Variants in ATP1A1 observed in about 807,000 individuals in gnomAD.
ATP1A1 encodes the protein ATPase Na+/K+ transporting subunit alpha 1, also known as sodium/potassium-transporting ATPase subunit alpha-1.
Under a neutral mutation model 114.8 loss-of-function variants are expected in ATP1A1, and 14 were observed. That is an observed-to-expected ratio of 0.12 (90% CI 0.08 to 0.19). The LOEUF (loss-of-function observed/expected upper bound fraction) is 0.19. Among genes scored for constraint, ATP1A1 ranks in the 10% least tolerant of loss-of-function variants. The probability of loss-of-function intolerance (pLI) is 1.00; values close to 1 mark genes in which losing one functional copy is unlikely to be tolerated. For missense variants in ATP1A1, 524 were observed against 1,290.7 expected (o/e 0.41, Z 9.10); for synonymous variants, 471 against 466.3 (o/e 1.01, Z -0.13).
chr1:116,379,718 A>G (rs1336829271), intron 1 of ATP1A1, among the ~76,000 whole-genome samples: 1 of 152,240 alleles, frequency 6.6e-6, no homozygotes, highest in Non-Finnish European at 1.5e-5. Flanking sequence ...ACCAAGTTAT[A>G]ATAATAGCCT....
Position 116,401,693 on chromosome 1 carries a change from T to G in ATP1A1, c.2951+38T>G. 1 of 1,579,696 alleles carries G rather than the reference T, an allele frequency of 6.3e-7. No homozygotes were observed. The highest frequency in any genetic ancestry group is 8.7e-7 in the Non-Finnish European group (1 of 1,150,618). On this transcript the variant is annotated intron_variant, in intron 21 of 22. Coordinates refer to ENST00000295598, the MANE Select transcript of ATP1A1 (RefSeq NM_000701.8). This position sits in a 1 kb window ranked among gnomAD's most constrained non-coding sequence, Gnocchi z 4.7. ...TCTGGTAGCTCCAAAAAGTATGAAA[T>G]AGTATGTGTGGCTTTTCCCCCCATT...
intron 3 of ATP1A1, among the ~76,000 whole-genome samples, chr1:116,386,439 CAA>C (rs1652100482): frequency 6.6e-6 from 1 of 152,118 alleles, no homozygotes; most frequent in African/African-American, 2.4e-5. Context: ...GAGAATTAAA[CAA>C]GTTAATTAAA....
chr1:116,387,629 G>T lies in ATP1A1; in HGVS notation c.387+138G>T. 2.1e-6 allele frequency: 2 copies of T among 954,888 alleles called. No individual in the cohort carries two copies. The highest frequency in any genetic ancestry group is 3.1e-6 in the Non-Finnish European group (2 of 652,868). The allele number at this position is 954,888 out of a possible 1,614,324, so 59.2% of individuals were successfully genotyped here. ...TACTTAATGGTTATGAACAGCTGTTGCCTTCAAGGCTCATCCATTCTTCCT... is the reference window on the plus strand; with the variant it reads ...TACTTAATGGTTATGAACAGCTGTTTCCTTCAAGGCTCATCCATTCTTCCT... On this transcript the variant is annotated intron_variant, in intron 4 of 22. Coordinates refer to ENST00000295598, the MANE Select transcript of ATP1A1 (RefSeq NM_000701.8). This position sits in a 1 kb window ranked among gnomAD's most constrained non-coding sequence, Gnocchi z 6.7.
rs1239420436 is a variant in ATP1A1, at chr1:116,396,451, G to A, written c.1837-147G>A. The A allele has an allele frequency of 4.9e-6, 5 of 1,020,322 alleles. No individual in the cohort carries two copies. The African/African-American group carries it at 6.7e-5, about 14-fold the overall frequency. The allele number at this position is 1,020,322 out of a possible 1,614,324, so 63.2% of individuals were successfully genotyped here. On this transcript the variant is annotated intron_variant, in intron 13 of 22. Coordinates refer to ENST00000295598, the MANE Select transcript of ATP1A1 (RefSeq NM_000701.8). Reference sequence around the variant, plus strand: ...TATATGTTTATATTTTTGGCTAATCGATGTTTATTAGTTTTATATTTGCAT... The same window carrying A: ...TATATGTTTATATTTTTGGCTAATCAATGTTTATTAGTTTTATATTTGCAT...
rs1653832485 is a variant in ATP1A1, at chr1:116,404,694, A to G, written c.*250A>G. 7.8e-7 allele frequency: 1 copy of G among 1,278,554 alleles called. No homozygotes were observed. The highest frequency in any genetic ancestry group is 9.8e-7 in the Non-Finnish European group (1 of 1,017,244). 79.2% of individuals were successfully genotyped at this position (1,278,554 alleles called of 1,614,324 possible). A position where few individuals can be genotyped will look rare whatever the true frequency, so the allele number is the denominator to read the frequency against. On this transcript the variant is annotated 3_prime_UTR_variant, in exon 23 of 23. Transcript: ENST00000295598. The surrounding 1 kb of genome is among the most constrained non-coding windows in gnomAD (Gnocchi z 4.8). Reference sequence around the variant, plus strand: ...TTTTTATGTGCCTTTTTGTTTTTGTAAAAAAGGAACACCCGGAAAGACTGA... The same window carrying G: ...TTTTTATGTGCCTTTTTGTTTTTGTGAAAAAGGAACACCCGGAAAGACTGA...
chr1:116,381,649 G>T lies in ATP1A1; in HGVS notation c.13-2365G>T, dbSNP rs923746934. ...CCAACTAACTTTAGCACTGATAGTGGTGAAGCTATGGGCAAGACATTTATT... is the reference window on the plus strand; with the variant it reads ...CCAACTAACTTTAGCACTGATAGTGTTGAAGCTATGGGCAAGACATTTATT... On this transcript the variant is annotated intron_variant, in intron 1 of 22. Transcript: ENST00000295598. The surrounding 1 kb of genome is among the most constrained non-coding windows in gnomAD (Gnocchi z 5.1). 2.6e-5 allele frequency among the ~76,000 whole-genome samples: 4 copies of T among 152,172 alleles called. No individual in the cohort carries two copies. Among genetic ancestry groups the T allele is most frequent in the African/African-American group, 9.7e-5 (4 of 41,428 alleles).
chr1:116,399,497 C>A lies in ATP1A1; in HGVS notation c.2526C>A (p.Asp842Glu). The A allele has an allele frequency of 6.2e-7, 1 of 1,614,124 alleles. No homozygotes were observed. The highest frequency in any genetic ancestry group is 8.5e-7 in the Non-Finnish European group (1 of 1,180,022). The change falls in exon 18 of 23, where the codon GAC becomes GAA. Residue 842 changes from aspartate to glutamate, a missense_variant. By Grantham distance (45) the Asp-to-Glu change is conservative (BLOSUM62 2). Around this residue, in one of 8 missense-constraint regions of ATP1A1, gnomAD observed 36 missense variants for 199.6 expected, o/e 0.18. Coordinates refer to ENST00000295598, the MANE Select transcript of ATP1A1 (RefSeq NM_000701.8). The surrounding 1 kb of genome is among the most constrained non-coding windows in gnomAD (Gnocchi z 5.0). ...MKRQPRNPKT[D>E]KLVNERLISM... ...GACAGCCCAGAAATCCCAAAACAGA[C>A]AAACTTGTGAATGAGCGGCTGATCA...
intron 1 of ATP1A1, among the ~76,000 whole-genome samples, chr1:116,374,579 G>A (rs946314541): frequency 2.0e-5 from 3 of 152,206 alleles, no homozygotes; most frequent in Admixed American, 2.0e-4. Context: ...CTACATTTCT[G>A]TAGCGAAGAC....
In ATP1A1 at chr1:116,382,629, T is replaced by C. The variant is rs367734260; in HGVS notation, c.13-1385T>C. 8 of 152,338 alleles carry C rather than the reference T, an allele frequency of 5.3e-5. No homozygotes were observed. The East Asian group carries it at 1.5e-3, about 29-fold the overall frequency. The allele number at this position is 152,338 out of a possible 1,614,324, so 9.4% of individuals were successfully genotyped here. On this transcript the variant is annotated intron_variant, in intron 1 of 22. Transcript: ENST00000295598. ...TGTCTCTACATGTGGCCCACTCCAGTGAATTTGGAGAAGGATTTCTCCTTG... is the reference window on the plus strand; with the variant it reads ...TGTCTCTACATGTGGCCCACTCCAGCGAATTTGGAGAAGGATTTCTCCTTG...
Position 116,393,655 on chromosome 1 carries a change from A to G in ATP1A1, c.1592A>G (p.Asp531Gly). 6.2e-7 allele frequency: 1 copy of G among 1,614,188 alleles called. No individual in the cohort carries two copies. Among genetic ancestry groups the G allele is most frequent in the Non-Finnish European group, 8.5e-7 (1 of 1,180,024 alleles). The change falls in exon 12 of 23, where the codon GAT becomes GGT. Residue 531 changes from aspartate to glycine, a missense_variant. Transcript: ENST00000295598. The surrounding 1 kb of genome is among the most constrained non-coding windows in gnomAD (Gnocchi z 5.0). Reference protein sequence around the residue: ...ILLHGKEQPLDEELKDAFQNA... With the variant: ...ILLHGKEQPLGEELKDAFQNA... The stretch of plus-strand genomic sequence containing the variant: ...CTCCACGGCAAGGAGCAGCCCCTGG[A>G]TGAGGAGCTGAAAGACGCCTTTCAG...
At chr1:116,377,401 G>A (rs1651447431) in intron 1 of ATP1A1, among the ~76,000 whole-genome samples, 1 of 152,198 alleles carries the variant, frequency 6.6e-6, no homozygotes, top group Non-Finnish European at 1.5e-5. Flanking sequence ...CAAAATTAGA[G>A]AGCAGTTTTT....
Position 116,395,366 on chromosome 1 carries a change from A to G in ATP1A1, c.1836+81A>G. Reference sequence around the variant, plus strand: ...CAGTGAATGTTGCCTTTTGAGGTCCAGATGGCCAGCTGTTCTATCTCACCT... The same window carrying G: ...CAGTGAATGTTGCCTTTTGAGGTCCGGATGGCCAGCTGTTCTATCTCACCT... On this transcript the variant is annotated intron_variant, in intron 13 of 22. Transcript: ENST00000295598. The surrounding 1 kb of genome is among the most constrained non-coding windows in gnomAD (Gnocchi z 6.4). The G allele has an allele frequency of 6.7e-7, 1 of 1,484,424 alleles. No homozygotes were observed. Among genetic ancestry groups the G allele is most frequent in the Non-Finnish European group, 9.1e-7 (1 of 1,096,910 alleles). 92.0% of individuals were successfully genotyped at this position (1,484,424 alleles called of 1,614,324 possible).
chr1:116,387,847 A>G lies in ATP1A1; in HGVS notation c.388-284A>G, dbSNP rs199579252. Among the ~76,000 whole-genome samples the G allele has an allele frequency of 6.6e-6, 1 of 152,206 alleles. No homozygotes were observed. Among genetic ancestry groups the G allele is most frequent in the Admixed American group, 6.5e-5 (1 of 15,286 alleles). ...GCTTGGTGGCCATTCTTCAAAATCC[A>G]CAAGTTGGTTGAAAAACAATCTTTG... On this transcript the variant is annotated intron_variant, in intron 4 of 22. Coordinates refer to ENST00000295598, the MANE Select transcript of ATP1A1 (RefSeq NM_000701.8). The surrounding 1 kb of genome is among the most constrained non-coding windows in gnomAD (Gnocchi z 6.7).
In ATP1A1 at chr1:116,390,529, C is replaced by CTTTTTT. The variant is rs1261190970; in HGVS notation, c.1222+119_1222+124dup. On this transcript the variant is annotated intron_variant, in intron 9 of 22. Transcript: ENST00000295598. ...TTAAGCTCATGGCAGCTTTTTCTTT[C>CTTTTTT]TTTTTTGTTTTTTTTTTTTTTATCA... The CTTTTTT allele has an allele frequency of 2.7e-5, 25 of 911,760 alleles. No individual in the cohort carries two copies. The African/African-American group carries it at 4.8e-4, about 18-fold the overall frequency. The allele number at this position is 911,760 out of a possible 1,614,324, so 56.5% of individuals were successfully genotyped here.
At chr1:116,374,002 C>G (rs1198130516) in intron 1 of ATP1A1, 47 of 1,354,466 alleles carry the variant, frequency 3.5e-5, no homozygotes, top group Non-Finnish European at 4.4e-5. Context: ...CTCCCCTTCC[C>G]CTGGGGCGCT....
chr1:116,393,731 G>C lies in ATP1A1; in HGVS notation c.1660+8G>C. 6.8e-6 allele frequency: 11 copies of C among 1,611,110 alleles called. No individual in the cohort carries two copies. The highest frequency in any genetic ancestry group is 1.1e-5 in the South Asian group (1 of 90,870). On this transcript the variant is annotated splice_region_variant and intron_variant, in intron 12 of 22. Transcript: ENST00000295598. The surrounding 1 kb of genome is among the most constrained non-coding windows in gnomAD (Gnocchi z 5.0). ...TCGGAGAACGAGTCCTAGGTATGCA[G>C]ATAACCTGGTAACAGAGTGCCTGGG...
In ATP1A1 at chr1:116,398,870, T is replaced by C; in HGVS notation, c.2294-60T>C. The C allele has an allele frequency of 6.2e-7, 1 of 1,610,938 alleles. No homozygotes were observed. The highest frequency in any genetic ancestry group is 8.5e-7 in the Non-Finnish European group (1 of 1,177,532). On this transcript the variant is annotated intron_variant, in intron 16 of 22. Transcript: ENST00000295598. The surrounding 1 kb of genome is among the most constrained non-coding windows in gnomAD (Gnocchi z 6.1). ...TCCATTTCTGTATACTTCTTGGATA[T>C]GTTCAGTTTCCAGTGTGCTTGTCTC...
rs552441071 is a variant in ATP1A1 at position 116,394,924 on chromosome 1, T to G, written c.1661-186T>G. 4.6e-5 allele frequency among the ~76,000 whole-genome samples: 7 copies of G among 152,342 alleles called. No individual in the cohort carries two copies. The South Asian group carries it at 1.4e-3, about 32-fold the overall frequency. On this transcript the variant is annotated intron_variant, in intron 12 of 22. Transcript: ENST00000295598. ...GGATTCTGTCTTTCAAATGCTTTTTTTCTTTCAGTGACTCTATCGTTCATA... is the reference window on the plus strand; with the variant it reads ...GGATTCTGTCTTTCAAATGCTTTTTGTCTTTCAGTGACTCTATCGTTCATA...
intron 1 of ATP1A1, chr1:116,382,611 A>C (rs1264840914): frequency 1.3e-5 from 2 of 152,242 alleles, no homozygotes; most frequent in Non-Finnish European, 2.9e-5. Context: ...ATGTGTCTCT[A>C]CATGTGGCCC....
Sources: gnomAD v4.1 joint callset for allele counts (sites outside exome capture counted in the v4.1 genomes callset) on GRCh38, gnomAD v4.1.1 for gene constraint, gnomAD v4.1.1 regional missense constraint, Gnocchi (gnomAD v3.1) non-coding constraint, MANE v1.5 for transcripts, NCBI Gene and HGNC (gene_info 2026-07-23, HGNC 2026-07-21) for gene names.